The following UBR1 variants were observed in gnomAD, a reference collection of about 807,000 sequenced individuals.
The protein encoded by UBR1 is E3 ubiquitin-protein ligase UBR1.
UBR1 carries 102 observed loss-of-function variants against 242.1 expected under a neutral mutation model. That is an observed-to-expected ratio of 0.42 (90% CI 0.36 to 0.50). The LOEUF (loss-of-function observed/expected upper bound fraction) is 0.50, where lower values mean the gene tolerates loss of function less well. Among genes scored for constraint, UBR1 ranks in the 20% least tolerant of loss-of-function variants. The probability of loss-of-function intolerance (pLI) is 0.01; values close to 1 mark genes in which losing one functional copy is unlikely to be tolerated. For synonymous variants in UBR1, 675 were observed against 684.8 expected (o/e 0.99, Z 0.22); for missense variants, 1,772 against 2,101.8 (o/e 0.84, Z 3.07).
intron 39 of UBR1, among the ~76,000 whole-genome samples, chr15:42,970,867 C>A (rs1203494850): frequency 6.6e-6 from 1 of 152,148 alleles, no homozygotes; most frequent in Non-Finnish European, 1.5e-5. Flanking sequence ...GGATTACAGG[C>A]GTATGCCACC....
At chr15:43,094,344 G>C (rs1265619577) in intron 1 of UBR1, among the ~76,000 whole-genome samples, 1 of 151,736 alleles carries the variant, frequency 6.6e-6, no homozygotes, top group Non-Finnish European at 1.5e-5. Context: ...CAGGAGAATC[G>C]CTTGAACCTG....
chr15:43,041,164 T>C (rs1320579499), intron 15 of UBR1, among the ~76,000 whole-genome samples: 2 of 152,188 alleles, frequency 1.3e-5, no homozygotes, highest in Non-Finnish European at 2.9e-5. Flanking sequence ...TGCAGCACTA[T>C]TCACAATAGC....
At chr15:43,077,665 G>GA (rs1180854436) in intron 3 of UBR1, among the ~76,000 whole-genome samples, 53 of 126,876 alleles carry the variant, frequency 4.2e-4, no homozygotes, top group African/African-American at 7.3e-4. Flanking sequence ...AAAAATCTGA[G>GA]AAAAAAAAAA....
chr15:43,004,050 A>G lies in UBR1; in HGVS notation c.3416-120T>C. The stretch of plus-strand genomic sequence containing the variant: ...TCACAATATCATGATAGGAGGATAT[A>G]TAGTAACAAAAAGAGAAAAGTAATA... On this transcript the variant is annotated intron_variant, in intron 30 of 46. Transcript: ENST00000290650. The G allele has an allele frequency of 5.9e-6, 5 of 840,496 alleles. No homozygotes were observed. The East Asian group carries it at 1.2e-4, about 20-fold the overall frequency. 52.1% of individuals were successfully genotyped at this position (840,496 alleles called of 1,614,324 possible).
chr15:43,072,573 T>C (rs527397532), intron 4 of UBR1, among the ~76,000 whole-genome samples: 1 of 152,316 alleles, frequency 6.6e-6, no homozygotes, highest in East Asian at 1.9e-4. Flanking sequence ...TGAACAGATA[T>C]AGCAAAAGCA....
At chr15:42,979,083 T>C (rs1230672208) in intron 37 of UBR1, among the ~76,000 whole-genome samples, 6 of 151,806 alleles carry the variant, frequency 4.0e-5, no homozygotes, top group African/African-American at 1.5e-4. Flanking sequence ...TTAGTAGAGA[T>C]GGTGTTTCAC....
intron 6 of UBR1, 137 bp from the exon 7 acceptor site, chr15:43,060,251 A>G (rs1245896470): frequency 3.6e-6 from 3 of 834,990 alleles, no homozygotes; most frequent in Non-Finnish European, 6.2e-6. Flanking sequence ...ATACCGGAAC[A>G]ATATCTGAAA....
At chr15:42,958,166 G>T in intron 43 of UBR1, 76 bp from the exon 44 acceptor site, 2 of 949,748 alleles carry the variant, frequency 2.1e-6, no homozygotes, top group South Asian at 1.5e-5. Flanking sequence ...AGTGATAGAA[G>T]AATGTCTTAA....
chr15:43,021,246 G>C lies in UBR1; in HGVS notation c.2940+29C>G, dbSNP rs770380936. On this transcript the variant is annotated intron_variant, in intron 27 of 46. Transcript: ENST00000290650. ...GAGAATTCTTAAATATTTAAACCAAGATATGATCACTTTACTTTTTTAGTT... is the reference window on the plus strand; with the variant it reads ...GAGAATTCTTAAATATTTAAACCAACATATGATCACTTTACTTTTTTAGTT... The C allele has an allele frequency of 2.5e-5, 39 of 1,585,442 alleles. 2 individuals carry two copies. In the South Asian group the frequency reaches 3.0e-4, roughly 12 times the overall value.
chr15:43,029,125 G>GCGCACACACACACACACA (rs750364868), intron 21 of UBR1, among the ~76,000 whole-genome samples: 3 of 150,956 alleles, frequency 2.0e-5, no homozygotes, highest in African/African-American at 7.3e-5. Context: ...ACACACACAC[G>GCGCACACACACACACACA]CACACACACA....
At position 42,950,345 on chromosome 15, in the gene UBR1, C is replaced by T; in HGVS notation, c.5025G>A (p.Val1675=). Residue 1675 remains valine, a synonymous_variant, in exon 46 of 47, where the codon GTG becomes GTA. Transcript: ENST00000290650. Reference sequence around the variant, plus strand: ...CTCTGGCTTTACCTTCAACCAGGACCACTCGGCATTCTCTGATTCTGAAAG... The same window carrying T: ...CTCTGGCTTTACCTTCAACCAGGACTACTCGGCATTCTCTGATTCTGAAAG... ...CIFLKIRECR[V]VLVEGKARGC... is the part of the protein sequence containing the mutation. 1 of 1,614,066 alleles carries T rather than the reference C, an allele frequency of 6.2e-7. No individual in the cohort carries two copies. The highest frequency in any genetic ancestry group is 1.1e-5 in the South Asian group (1 of 91,082).
chr15:43,017,928 A>G (rs937895961), intron 27 of UBR1, among the ~76,000 whole-genome samples: 4 of 151,748 alleles, frequency 2.6e-5, no homozygotes, highest in Admixed American at 2.6e-4. Flanking sequence ...AGATCTTACC[A>G]TACATACTGT....
intron 22 of UBR1, among the ~76,000 whole-genome samples, 180 bp downstream of exon 22, chr15:43,027,596 T>G (rs1169818302): frequency 6.6e-6 from 1 of 152,144 alleles, no homozygotes; most frequent in Non-Finnish European, 1.5e-5. Flanking sequence ...ACACTCATTT[T>G]TTCAACAAAC....
rs370903647 is a variant in UBR1 at position 42,990,116 on chromosome 15, T to A, written c.3762A>T (p.Glu1254Asp). 1.9e-6 allele frequency: 3 copies of A among 1,588,010 alleles called. No individual in the cohort carries two copies. In the African/African-American group the frequency reaches 4.0e-5, roughly 21 times the overall value. Residue 1254 changes from glutamate to aspartate, a missense_variant, in exon 34 of 47, where the codon GAA becomes GAT. Physicochemically the swap from Glu to Asp is conservative, Grantham distance 45. Coordinates refer to ENST00000290650, the MANE Select transcript of UBR1 (RefSeq NM_174916.3). ...SGYNIRHAKG[E>D]NPIPIFFNQG... ...GATTAAAGAAAATAGGAATTGGGTT[T>A]TCTCCTTATAAATTAAAAGGAAAAA...
rs555605952 is a variant in UBR1 at position 43,009,898 on chromosome 15, G to GT, written c.3210-2615dup. Reference sequence around the variant, plus strand: ...TTTGTTTTATTTTGTTTGAGACAGAGTCTTGCACTGTTGCCGGGCTGGAGT... The same window carrying GT: ...TTTGTTTTATTTTGTTTGAGACAGAGTTCTTGCACTGTTGCCGGGCTGGAGT... On this transcript the variant is annotated intron_variant, in intron 29 of 46. Coordinates refer to ENST00000290650, the MANE Select transcript of UBR1 (RefSeq NM_174916.3). Among the ~76,000 whole-genome samples the GT allele has an allele frequency of 4.6e-5, 7 of 152,314 alleles. No homozygotes were observed. The East Asian group carries it at 7.7e-4, about 17-fold the overall frequency.
At chr15:42,987,188 G>A (rs1567116505) in intron 35 of UBR1, among the ~76,000 whole-genome samples, 1 of 152,356 alleles carries the variant, frequency 6.6e-6, no homozygotes, top group South Asian at 2.1e-4. Flanking sequence ...ACTGGATCCC[G>A]GCAGGGGCAG....
chr15:42,951,904 G>A (rs142221431), intron 45 of UBR1, among the ~76,000 whole-genome samples: 1 of 152,270 alleles, frequency 6.6e-6, no homozygotes, highest in Non-Finnish European at 1.5e-5. Context: ...AAGTCACTGT[G>A]CCTGGCCTAC....
Position 42,988,826 on chromosome 15 carries a change from C to G in UBR1, c.3990G>C (p.Gln1330His). ...LTWSTCAFTI[Q>H]AIENLLGDEG... ...TTTTCTTATGAGCTTTACCAATTGC[C>G]TGGATAGTGAAAGCGCAGGTGCTCC... The change falls in exon 35 of 47, where the codon CAG becomes CAC. Residue 1330 changes from glutamine to histidine, a missense_variant. This residue lies in a region of UBR1 where 965 missense variants were observed against 1,079.7 expected (regional missense o/e 0.89). Transcript: ENST00000290650. 2 of 1,614,194 alleles carry G rather than the reference C, an allele frequency of 1.2e-6. No homozygotes were observed. The highest frequency in any genetic ancestry group is 8.5e-7 in the Non-Finnish European group (1 of 1,180,046).
At chr15:43,059,270 G>T in intron 8 of UBR1, 78 bp from the exon 9 acceptor site, 2 of 1,339,242 alleles carry the variant, frequency 1.5e-6, no homozygotes, top group African/African-American at 2.9e-5. Context: ...TCACTCTGTT[G>T]CCCAGGTTGG....
Sources: gnomAD v4.1 joint callset for allele counts (sites outside exome capture counted in the v4.1 genomes callset) on GRCh38, gnomAD v4.1.1 for gene constraint, gnomAD v4.1.1 regional missense constraint, MANE v1.5 for transcripts, NCBI Gene and HGNC (gene_info 2026-07-23, HGNC 2026-07-21) for gene names.